ADRA2B: variants seen among roughly 807,000 people sequenced by gnomAD.
ADRA2B encodes the protein adrenoceptor alpha 2B, also known as alpha-2B adrenergic receptor.
Under a neutral mutation model 14.4 loss-of-function variants are expected in ADRA2B, and 14 were observed. The ratio of observed to expected loss-of-function variants is 0.97; its 90% CI spans 0.64 to 1.52. The LOEUF (loss-of-function observed/expected upper bound fraction) is 1.52, where lower values mean the gene tolerates loss of function less well. ADRA2B is among the 40% of genes most tolerant of loss of function. The pLI is 0.00. For missense variants in ADRA2B, 606 were observed against 603.2 expected (o/e 1.00, Z -0.05); for synonymous variants, 250 against 263.7 (o/e 0.95, Z 0.50).
Position 96,114,277 on chromosome 2 carries a change from G to T in ADRA2B, c.*520C>A, listed in dbSNP as rs974139681. ...CCCATCCCAGCGCCTGCCAGGGACC[G>T]CGAGTGCCTAGCGTGGGTGATCAGT... On this transcript the variant is annotated 3_prime_UTR_variant, in exon 1 of 1. Coordinates refer to ENST00000620793, the MANE Select transcript of ADRA2B (RefSeq NM_000682.7). 2.0e-6 allele frequency: 2 copies of T among 988,712 alleles called. No individual in the cohort carries two copies. Among genetic ancestry groups the T allele is most frequent in the Non-Finnish European group, 2.4e-6 (2 of 831,980 alleles). 61.2% of individuals were successfully genotyped at this position (988,712 alleles called of 1,614,324 possible).
In ADRA2B at chr2:96,114,497, G is replaced by C; in HGVS notation, c.*300C>G. ...GAGAGCATGGGGCTCTGGGAAGAAA[G>C]TGCTCTCTCTTCTCCTGGTCTTGGC... is the stretch of plus-strand genomic sequence containing the variant. On this transcript the variant is annotated 3_prime_UTR_variant, in exon 1 of 1. Coordinates refer to ENST00000620793, the MANE Select transcript of ADRA2B (RefSeq NM_000682.7). 8.3e-7 allele frequency: 1 copy of C among 1,210,180 alleles called. No homozygotes were observed. The highest frequency in any genetic ancestry group is 4.0e-5 in the East Asian group (1 of 24,938). 75.0% of individuals were successfully genotyped at this position (1,210,180 alleles called of 1,614,324 possible). A position where few individuals can be genotyped will look rare whatever the true frequency, so the allele number is the denominator to read the frequency against.
rs4907299 is a variant in ADRA2B, at chr2:96,114,374, G to T, written c.*423C>A. The T allele has an allele frequency of 0.32, 315,399 of 998,272 alleles. 50,897 individuals are homozygous for T. The highest frequency in any genetic ancestry group is 0.49 in the East Asian group (4,528 of 9,334). The allele number at this position is 998,272 out of a possible 1,614,324, so 61.8% of individuals were successfully genotyped here. A position where few individuals can be genotyped will look rare whatever the true frequency, so the allele number is the denominator to read the frequency against. ...GGAAGGCTGGCTCCGTGCTCTTTGTGGGTGGGGGGGAGATGAAAAAGAAAC... is the reference window on the plus strand; with the variant it reads ...GGAAGGCTGGCTCCGTGCTCTTTGTTGGTGGGGGGGAGATGAAAAAGAAAC... On this transcript the variant is annotated 3_prime_UTR_variant, in exon 1 of 1. Coordinates refer to ENST00000620793, the MANE Select transcript of ADRA2B (RefSeq NM_000682.7).
At position 96,114,973 on chromosome 2, in the gene ADRA2B, G is replaced by A; in HGVS notation, c.1177C>T (p.Leu393=). ...CWFPFFFSYS[L]GAICPKHCKV... ...CAGTGCTTCGGGCAGATGGCTCCCA[G>A]GCTGTAGCTGAAGAAGAAGGGGAAC... Residue 393 remains leucine (L), a synonymous_variant, in exon 1 of 1, where the codon CTG becomes TTG. Coordinates refer to ENST00000620793, the MANE Select transcript of ADRA2B (RefSeq NM_000682.7). 2 of 1,613,408 alleles carry A rather than the reference G, an allele frequency of 1.2e-6. No individual in the cohort carries two copies. The highest frequency in any genetic ancestry group is 1.7e-6 in the Non-Finnish European group (2 of 1,179,618).
At position 96,116,152 on chromosome 2, in the gene ADRA2B, C is replaced by CG. The variant is rs2104754084; in HGVS notation, c.-4dup. ...GAGTAGGGGTCCTGGTGGTCCATGACGGGGCGGGAGGTGGGCAGAGGGAGC... is the reference window on the plus strand; with the variant it reads ...GAGTAGGGGTCCTGGTGGTCCATGACGGGGGCGGGAGGTGGGCAGAGGGAGC... On this transcript the variant is annotated 5_prime_UTR_variant, in exon 1 of 1. Transcript: ENST00000620793. 6.2e-7 allele frequency: 1 copy of CG among 1,606,774 alleles called. No individual in the cohort carries two copies. The highest frequency in any genetic ancestry group is 2.2e-5 in the East Asian group (1 of 44,622).
rs1160775048 is a variant in ADRA2B, at chr2:96,116,259, G to C, written c.-110C>G. 1.2e-5 allele frequency: 12 copies of C among 973,750 alleles called. No individual in the cohort carries two copies. Among genetic ancestry groups the C allele is most frequent in the Non-Finnish European group, 1.7e-5 (11 of 637,144 alleles). The allele number at this position is 973,750 out of a possible 1,614,324, so 60.3% of individuals were successfully genotyped here. A position where few individuals can be genotyped will look rare whatever the true frequency, so the allele number is the denominator to read the frequency against. ...AGCGTCGCCCCTCGGGCGGCGCCGA[G>C]GGCGCTGGAGCCCCATGGCCTGGAC... On this transcript the variant is annotated 5_prime_UTR_variant, in exon 1 of 1. Coordinates refer to ENST00000620793, the MANE Select transcript of ADRA2B (RefSeq NM_000682.7).
Position 96,116,291 on chromosome 2 carries a change from G to A in ADRA2B, c.-142C>T. The A allele has an allele frequency of 1.4e-6, 1 of 706,892 alleles. No homozygotes were observed. Among genetic ancestry groups the A allele is most frequent in the Non-Finnish European group, 2.4e-6 (1 of 417,972 alleles). 43.8% of individuals were successfully genotyped at this position (706,892 alleles called of 1,614,324 possible). A position where few individuals can be genotyped will look rare whatever the true frequency, so the allele number is the denominator to read the frequency against. On this transcript the variant is annotated 5_prime_UTR_variant, in exon 1 of 1. Coordinates refer to ENST00000620793, the MANE Select transcript of ADRA2B (RefSeq NM_000682.7). ...GGAGCCCCATGGCCTGGACGAGCGG[G>A]GCCTAGGAGGTCGGGAACACCCAGG...
rs769895462 is a variant in ADRA2B at position 96,115,772 on chromosome 2, C to A, written c.378G>T (p.Pro126=). Residue 126 remains proline, a synonymous_variant, in exon 1 of 1, where the codon CCG becomes CCT. Transcript: ENST00000620793. The part of the protein sequence containing the change: ...RALEYNSKRT[P]RRIKCIILTV... ...TGAGGATGATGCACTTGATGCGGCGCGGGGTGCGCTTGGAGTTGTACTCCA... is the reference window on the plus strand; with the variant it reads ...TGAGGATGATGCACTTGATGCGGCGAGGGGTGCGCTTGGAGTTGTACTCCA... 1.7e-5 allele frequency: 27 copies of A among 1,612,818 alleles called. No individual in the cohort carries two copies. The Admixed American group carries it at 4.5e-4, about 27-fold the overall frequency.
In ADRA2B at chr2:96,114,478, A is replaced by T; in HGVS notation, c.*319T>A. On this transcript the variant is annotated 3_prime_UTR_variant, in exon 1 of 1. Transcript: ENST00000620793. ...AAGCCCAGACATTGGTCTGGAGAGC[A>T]TGGGGCTCTGGGAAGAAAGTGCTCT... The T allele has an allele frequency of 8.6e-7, 1 of 1,156,760 alleles. No individual in the cohort carries two copies. Among genetic ancestry groups the T allele is most frequent in the Non-Finnish European group, 1.1e-6 (1 of 935,322 alleles). 71.7% of individuals were successfully genotyped at this position (1,156,760 alleles called of 1,614,324 possible).
rs1681787873 is a variant in ADRA2B at position 96,113,108 on chromosome 2, C to G, written c.*1689G>C. On this transcript the variant is annotated 3_prime_UTR_variant, in exon 1 of 1. Coordinates refer to ENST00000620793, the MANE Select transcript of ADRA2B (RefSeq NM_000682.7). Reference sequence around the variant, plus strand: ...CCCACTGAGGACCAAGCTGGGAAGCCTCCCACACCCCAGGAAGGACTCTTT... The same window carrying G: ...CCCACTGAGGACCAAGCTGGGAAGCGTCCCACACCCCAGGAAGGACTCTTT... The G allele has an allele frequency of 2.5e-6, 1 of 398,556 alleles. No individual in the cohort carries two copies. The highest frequency in any genetic ancestry group is 4.4e-5 in the Admixed American group (1 of 22,732). The allele number at this position is 398,556 out of a possible 1,614,324, so 24.7% of individuals were successfully genotyped here. A position where few individuals can be genotyped will look rare whatever the true frequency, so the allele number is the denominator to read the frequency against.
chr2:96,113,368 G>A lies in ADRA2B; in HGVS notation c.*1429C>T. 2.6e-6 allele frequency: 1 copy of A among 386,266 alleles called. No individual in the cohort carries two copies. The highest frequency in any genetic ancestry group is 4.6e-6 in the Non-Finnish European group (1 of 218,756). The allele number at this position is 386,266 out of a possible 1,614,324, so 23.9% of individuals were successfully genotyped here. A position where few individuals can be genotyped will look rare whatever the true frequency, so the allele number is the denominator to read the frequency against. On this transcript the variant is annotated 3_prime_UTR_variant, in exon 1 of 1. Transcript: ENST00000620793. ...GAACCAGGAAGCAGGGGTCCTCAATGCACAGCCCCATCAGCATTGCGGGGA... is the reference window on the plus strand; with the variant it reads ...GAACCAGGAAGCAGGGGTCCTCAATACACAGCCCCATCAGCATTGCGGGGA...
Position 96,114,563 on chromosome 2 carries a change from T to C in ADRA2B, c.*234A>G, listed in dbSNP as rs1681818980. The C allele has an allele frequency of 7.2e-7, 1 of 1,391,984 alleles. No homozygotes were observed. The allele number at this position is 1,391,984 out of a possible 1,614,324, so 86.2% of individuals were successfully genotyped here. A position where few individuals can be genotyped will look rare whatever the true frequency, so the allele number is the denominator to read the frequency against. Reference sequence around the variant, plus strand: ...TTGAACCACCTCCATCGGCCTGTGCTCAGGGAGAGGGTGGAGAAGGGGTCC... The same window carrying C: ...TTGAACCACCTCCATCGGCCTGTGCCCAGGGAGAGGGTGGAGAAGGGGTCC... On this transcript the variant is annotated 3_prime_UTR_variant, in exon 1 of 1. Coordinates refer to ENST00000620793, the MANE Select transcript of ADRA2B (RefSeq NM_000682.7).
In ADRA2B at chr2:96,114,994, G is replaced by C. The variant is rs766782622; in HGVS notation, c.1156C>G (p.Pro386Ala). The C allele has an allele frequency of 6.2e-7, 1 of 1,613,494 alleles. No homozygotes were observed. Among genetic ancestry groups the C allele is most frequent in the Non-Finnish European group, 8.5e-7 (1 of 1,179,720 alleles). ...VIGVFVLCWF[P>A]FFFSYSLGAI... ...CCCAGGCTGTAGCTGAAGAAGAAGG[G>C]GAACCAGCAGAGCACAAAAACGCCA... Residue 386 changes from proline (P) to alanine (A), a missense_variant, in exon 1 of 1, where the codon CCC (proline) becomes GCC (alanine). Coordinates refer to ENST00000620793, the MANE Select transcript of ADRA2B (RefSeq NM_000682.7).
rs4426564 is a variant in ADRA2B at position 96,115,238 on chromosome 2, C to G, written c.912G>C (p.Glu304Asp). 2 of 1,558,034 alleles carry G rather than the reference C, an allele frequency of 1.3e-6. No homozygotes were observed. Among genetic ancestry groups the G allele is most frequent in the African/African-American group, 2.7e-5 (2 of 73,426 alleles). The change falls in exon 1 of 1, where the codon GAG (glutamate) becomes GAC (aspartate). Residue 304 changes from glutamate (E) to aspartate (D), a missense_variant. Transcript: ENST00000620793. ...EDEAEEEEEE[E>D]EEEEECEPQA... The stretch of plus-strand genomic sequence containing the variant: ...GGGGTTCACACTCTTCCTCCTCCTC[C>G]TCCTCCTCTTCCTCCTCTTCAGCTT...
chr2:96,115,687 C>T lies in ADRA2B; in HGVS notation c.463G>A (p.Gly155Ser), dbSNP rs753258709. ...LPPLIYKGDQ[G>S]PQPRGRPQCK... ...TGGGGGCGCCCGCGCGGCTGGGGGC[C>T]CTGGTCGCCCTTGTAGATGAGGGGC... The change falls in exon 1 of 1, where the codon GGC (glycine) becomes AGC (serine). Residue 155 changes from glycine (G) to serine (S), a missense_variant. Coordinates refer to ENST00000620793, the MANE Select transcript of ADRA2B (RefSeq NM_000682.7). The T allele has an allele frequency of 1.2e-6, 2 of 1,613,630 alleles. No individual in the cohort carries two copies. Among genetic ancestry groups the T allele is most frequent in the South Asian group, 2.2e-5 (2 of 91,084 alleles).
rs1222618940 is a variant in ADRA2B at position 96,112,928 on chromosome 2, A to AC, written c.*1868_*1869insG. 5.1e-6 allele frequency: 2 copies of AC among 392,966 alleles called. No homozygotes were observed. 24.3% of individuals were successfully genotyped at this position (392,966 alleles called of 1,614,324 possible). A position where few individuals can be genotyped will look rare whatever the true frequency, so the allele number is the denominator to read the frequency against. ...AATAGCTCAGAGTTTAAAAAAAAAA[A>AC]AAACACCACCTGCATGTCGCAATAA... On this transcript the variant is annotated 3_prime_UTR_variant, in exon 1 of 1. Transcript: ENST00000620793.
chr2:96,115,773 G>C lies in ADRA2B; in HGVS notation c.377C>G (p.Pro126Arg), dbSNP rs775403096. The change falls in exon 1 of 1, where the codon CCG becomes CGG. Residue 126 changes from proline (P) to arginine (R), a missense_variant. Coordinates refer to ENST00000620793, the MANE Select transcript of ADRA2B (RefSeq NM_000682.7). Reference protein sequence around the residue: ...RALEYNSKRTPRRIKCIILTV... With the variant: ...RALEYNSKRTRRRIKCIILTV... ...GAGGATGATGCACTTGATGCGGCGC[G>C]GGGTGCGCTTGGAGTTGTACTCCAG... 1 of 1,612,974 alleles carries C rather than the reference G, an allele frequency of 6.2e-7. No homozygotes were observed. Among genetic ancestry groups the C allele is most frequent in the East Asian group, 2.2e-5 (1 of 44,850 alleles).
Position 96,116,166 on chromosome 2 carries a change from G to A in ADRA2B, c.-17C>T. 6.3e-7 allele frequency: 1 copy of A among 1,597,374 alleles called. No homozygotes were observed. The highest frequency in any genetic ancestry group is 2.3e-5 in the East Asian group (1 of 44,388). Reference sequence around the variant, plus strand: ...GTGGTCCATGACGGGGCGGGAGGTGGGCAGAGGGAGCGCTGCCCGCCCAGT... The same window carrying A: ...GTGGTCCATGACGGGGCGGGAGGTGAGCAGAGGGAGCGCTGCCCGCCCAGT... On this transcript the variant is annotated 5_prime_UTR_variant, in exon 1 of 1. Coordinates refer to ENST00000620793, the MANE Select transcript of ADRA2B (RefSeq NM_000682.7).
chr2:96,113,855 G>A lies in ADRA2B; in HGVS notation c.*942C>T, dbSNP rs1681802004. ...CGGGGTAGGAATTCACACACCCCAG[G>A]GACAGAACAAAAGTCTACAGGAAGA... On this transcript the variant is annotated 3_prime_UTR_variant, in exon 1 of 1. Transcript: ENST00000620793. 1.7e-5 allele frequency: 17 copies of A among 980,552 alleles called. No homozygotes were observed. Among genetic ancestry groups the A allele is most frequent in the Non-Finnish European group, 2.1e-5 (17 of 825,350 alleles). 60.7% of individuals were successfully genotyped at this position (980,552 alleles called of 1,614,324 possible). A position where few individuals can be genotyped will look rare whatever the true frequency, so the allele number is the denominator to read the frequency against.
Position 96,113,957 on chromosome 2 carries a change from C to T in ADRA2B, c.*840G>A. The T allele has an allele frequency of 2.0e-6, 2 of 985,842 alleles. No homozygotes were observed. The highest frequency in any genetic ancestry group is 9.4e-5 in the South Asian group (2 of 21,284). The allele number at this position is 985,842 out of a possible 1,614,324, so 61.1% of individuals were successfully genotyped here. A position where few individuals can be genotyped will look rare whatever the true frequency, so the allele number is the denominator to read the frequency against. ...CATTTTTGGTTCTCTAGTGTGTTCC[C>T]CCACAGAGCTCAAAGCTTTCTGCAA... On this transcript the variant is annotated 3_prime_UTR_variant, in exon 1 of 1. Coordinates refer to ENST00000620793, the MANE Select transcript of ADRA2B (RefSeq NM_000682.7).
Sources: allele counts gnomAD v4.1 joint callset, GRCh38; gene constraint gnomAD v4.1.1; transcripts MANE v1.5; gene names NCBI Gene and HGNC (gene_info 2026-07-23, HGNC 2026-07-21).